The following ZFAND4 variants were observed in gnomAD, a reference collection of about 807,000 sequenced individuals.
ZFAND4 encodes zinc finger AN1-type containing 4, also known as AN1-type zinc finger protein 4.
A neutral mutation model predicts 64.4 loss-of-function variants in ZFAND4; 43 were observed. That is an observed-to-expected ratio of 0.67 (90% CI 0.52 to 0.86). ZFAND4 has a LOEUF of 0.86. Among genes scored for constraint, ZFAND4 ranks in the 40% least tolerant of loss-of-function variants. ZFAND4 has a pLI of 0.00. For missense variants in ZFAND4, 929 were observed against 859.8 expected (o/e 1.08, Z -1.01); for synonymous variants, 296 against 305.7 (o/e 0.97, Z 0.33).
chr10:45,624,115 C>CT (rs1197175465), intron 8 of ZFAND4, among the ~76,000 whole-genome samples: 1 of 152,190 alleles, frequency 6.6e-6, no homozygotes, highest in African/African-American at 2.4e-5. Context: ...GTCACTTCCA[C>CT]TAATAGGCCT....
chr10:45,636,980 A>G (rs1213990247), intron 6 of ZFAND4, among the ~76,000 whole-genome samples: 1 of 150,856 alleles, frequency 6.6e-6, no homozygotes, highest in African/African-American at 2.4e-5. Flanking sequence ...TTCTTAATAG[A>G]GCTAAGTCAA....
intron 8 of ZFAND4, among the ~76,000 whole-genome samples, chr10:45,619,699 T>A (rs568616059): frequency 6.8e-6 from 1 of 146,512 alleles, no homozygotes; most frequent in South Asian, 2.1e-4. Context: ...TTCTATGTCT[T>A]TTTTTTTTTG....
At chr10:45,633,983 T>C (rs1288920093) in intron 6 of ZFAND4, among the ~76,000 whole-genome samples, 1 of 152,220 alleles carries the variant, frequency 6.6e-6, no homozygotes, top group African/African-American at 2.4e-5. Context: ...TTAAGCACAT[T>C]ATTAAGACCT....
intron 8 of ZFAND4, among the ~76,000 whole-genome samples, chr10:45,619,034 G>C (rs947557493): frequency 6.6e-6 from 1 of 151,452 alleles, no homozygotes; most frequent in Non-Finnish European, 1.5e-5. Flanking sequence ...ATATAAGAAA[G>C]AATTAAATCA....
chr10:45,638,664 A>T (rs1170147081), intron 6 of ZFAND4, among the ~76,000 whole-genome samples: 1 of 152,226 alleles, frequency 6.6e-6, no homozygotes. Context: ...ATTCAAAGGA[A>T]GTTTATTGAT....
chr10:45,619,476 G>T (rs886354340), intron 8 of ZFAND4, among the ~76,000 whole-genome samples: 1 of 152,100 alleles, frequency 6.6e-6, no homozygotes, highest in African/African-American at 2.4e-5. Context: ...ATACACATGT[G>T]CTTGGTGTCA....
At chr10:45,641,609 C>T (rs1196499230) in intron 5 of ZFAND4, among the ~76,000 whole-genome samples, 2 of 152,212 alleles carry the variant, frequency 1.3e-5, no homozygotes, top group Non-Finnish European at 2.9e-5. Flanking sequence ...GTCTCCACAA[C>T]CAATTCAGTC....
intron 1 of ZFAND4, among the ~76,000 whole-genome samples, chr10:45,665,491 A>C (rs531469472): frequency 1.2e-4 from 18 of 152,292 alleles, no homozygotes; most frequent in South Asian, 4.1e-4. Flanking sequence ...CAGTGAGCCA[A>C]GATTGCACCA....
intron 8 of ZFAND4, among the ~76,000 whole-genome samples, chr10:45,622,080 C>T (rs973325838): frequency 4.6e-5 from 7 of 151,878 alleles, no homozygotes; most frequent in South Asian, 2.1e-4. Context: ...TATGTGTCAA[C>T]GAAAAACAAC....
At position 45,626,024 on chromosome 10, in the gene ZFAND4, G is replaced by A; in HGVS notation, c.1799C>T (p.Thr600Ile). 1 of 1,614,146 alleles carries A rather than the reference G, an allele frequency of 6.2e-7. No individual in the cohort carries two copies. Among genetic ancestry groups the A allele is most frequent in the Non-Finnish European group, 8.5e-7 (1 of 1,180,026 alleles). Residue 600 changes from threonine (T) to isoleucine (I), a missense_variant, in exon 7 of 10, where the codon ACA becomes ATA. Coordinates refer to ENST00000344646, the MANE Select transcript of ZFAND4 (RefSeq NM_174890.4). ...TTCTTCCTGAAAATGCTGGAGGTTT[G>A]TAGACAGCCCAGTTCCAGAGTTCTG... ...RLQNSGTGLS[T>I]NLQHFQEENF...
chr10:45,653,825 C>G (rs1032678007), intron 2 of ZFAND4, among the ~76,000 whole-genome samples: 4 of 152,026 alleles, frequency 2.6e-5, no homozygotes, highest in African/African-American at 7.2e-5. Flanking sequence ...GGGTATATAC[C>G]CAGAGAAAAA....
chr10:45,621,707 A>G, intron 8 of ZFAND4, among the ~76,000 whole-genome samples: 1 of 152,086 alleles, frequency 6.6e-6, no homozygotes, highest in Non-Finnish European at 1.5e-5. Context: ...GTGCCACCGC[A>G]CTCCAGCCTG....
chr10:45,650,980 AAAT>A (rs1410651988), intron 4 of ZFAND4: 5 of 152,240 alleles, frequency 3.3e-5, no homozygotes, highest in African/African-American at 9.6e-5. Context: ...AATCCTCTTG[AAAT>A]AGCTAAGAAA....
At chr10:45,666,336 G>T (rs1404989608) in intron 1 of ZFAND4, among the ~76,000 whole-genome samples, 2 of 151,928 alleles carry the variant, frequency 1.3e-5, no homozygotes, top group Non-Finnish European at 2.9e-5. Flanking sequence ...GTGATTATTG[G>T]CCATTTGCAT....
At chr10:45,670,501 A>G (rs1225232600) in intron 1 of ZFAND4, among the ~76,000 whole-genome samples, 1 of 152,158 alleles carries the variant, frequency 6.6e-6, no homozygotes, top group Non-Finnish European at 1.5e-5. Context: ...CGGCCTCCCA[A>G]AGTGCTGGGA....
intron 6 of ZFAND4, among the ~76,000 whole-genome samples, chr10:45,637,344 A>C (rs1310762656): frequency 6.6e-6 from 1 of 151,812 alleles, no homozygotes; most frequent in Admixed American, 6.6e-5. Context: ...CGTCTCAAAA[A>C]AAAAAAAAAA....
intron 4 of ZFAND4, 76 bp from the exon 5 acceptor site, chr10:45,648,610 T>C (rs1260351411): frequency 2.0e-6 from 3 of 1,470,088 alleles, no homozygotes; most frequent in Non-Finnish European, 2.7e-6. Context: ...CAGGATATAA[T>C]ATACTGAATT....
At chr10:45,654,805 T>C (rs2133807982) in intron 2 of ZFAND4, among the ~76,000 whole-genome samples, 1 of 151,988 alleles carries the variant, frequency 6.6e-6, no homozygotes, top group East Asian at 1.9e-4. Context: ...AACAAGAAGA[T>C]ATTACAATCC....
rs749896239 is a variant in ZFAND4 at position 45,648,360 on chromosome 10, G to C, written c.503C>G (p.Ser168Cys). The C allele has an allele frequency of 6.2e-7, 1 of 1,613,960 alleles. No homozygotes were observed. Among genetic ancestry groups the C allele is most frequent in the South Asian group, 1.1e-5 (1 of 91,054 alleles). ...AAAATCTATTTTCTTTGAAGAGTCA[G>C]ATAACGGTGTTAAAGTGCCATCTCC... ...DRGDGTLTPLSDSSKKIDFHL... is the reference protein window; with the variant it reads ...DRGDGTLTPLCDSSKKIDFHL... Residue 168 changes from serine (S) to cysteine (C), a missense_variant, in exon 5 of 10, where the codon TCT becomes TGT. By Grantham distance (112) the Ser-to-Cys change is moderately radical. Transcript: ENST00000344646.
Sources: gnomAD v4.1 joint callset for allele counts (sites outside exome capture counted in the v4.1 genomes callset) on GRCh38, gnomAD v4.1.1 for gene constraint, MANE v1.5 for transcripts, NCBI Gene and HGNC (gene_info 2026-07-23, HGNC 2026-07-21) for gene names.